CRB1: variants seen among roughly 807,000 people sequenced by gnomAD.
CRB1 encodes the protein crumbs cell polarity complex component 1, also known as protein crumbs homolog 1.
A neutral mutation model predicts 120.0 loss-of-function variants in CRB1; 83 were observed. That is an observed-to-expected ratio of 0.69 (90% CI 0.58 to 0.83). The LOEUF is 0.83. Among genes scored for constraint, CRB1 ranks in the 40% least tolerant of loss-of-function variants. The probability of loss-of-function intolerance (pLI) is 0.00; values close to 1 mark genes in which losing one functional copy is unlikely to be tolerated. For missense variants in CRB1, 1,699 were observed against 1,687.6 expected, an observed-to-expected ratio of 1.01 and a Z score of -0.12; for synonymous variants, 625 against 612.5, an observed-to-expected ratio of 1.02 and a Z score of -0.30.
chr1:197,290,313 G>T (rs1394101207), intron 1 of CRB1, among the ~76,000 whole-genome samples: 1 of 132,416 alleles, frequency 7.6e-6, no homozygotes, highest in Non-Finnish European at 1.6e-5. Flanking sequence ...TGTTTGAAGA[G>T]AAGTGGATCT....
chr1:197,321,798 G>C (rs190298474), intron 1 of CRB1, among the ~76,000 whole-genome samples: 1 of 152,146 alleles, frequency 6.6e-6, no homozygotes, highest in African/African-American at 2.4e-5. Context: ...AGCTCAAGGG[G>C]TATGTAAAAA....
chr1:197,308,005 A>G (rs936453739), intron 1 of CRB1, among the ~76,000 whole-genome samples: 4 of 152,182 alleles, frequency 2.6e-5, no homozygotes, highest in Admixed American at 1.3e-4. Context: ...TCATTGCTTC[A>G]CTATTCACAA....
At chr1:197,321,941 A>G (rs1403214967) in intron 1 of CRB1, among the ~76,000 whole-genome samples, 1 of 152,212 alleles carries the variant, frequency 6.6e-6, no homozygotes, top group Non-Finnish European at 1.5e-5. Flanking sequence ...AATGTCATAA[A>G]GAAGATAATT....
the CRB1 span, among the ~76,000 whole-genome samples, chr1:197,247,383 A>G: frequency 6.6e-6 from 1 of 152,118 alleles, no homozygotes; most frequent in Non-Finnish European, 1.5e-5. Context: ...GTTGACCATA[A>G]GAGTCATAAA....
chr1:197,276,017 C>G (rs1213456699), intron 1 of CRB1, among the ~76,000 whole-genome samples: 1 of 151,816 alleles, frequency 6.6e-6, no homozygotes, highest in Non-Finnish European at 1.5e-5. Flanking sequence ...TATCAGTCAT[C>G]TAGTGTCCTT....
At chr1:197,229,533 G>A in the CRB1 span, among the ~76,000 whole-genome samples, 2 of 152,128 alleles carry the variant, frequency 1.3e-5, no homozygotes, top group Admixed American at 6.5e-5. Context: ...CTGAGGTTTG[G>A]GGTATGAGTG....
At chr1:197,465,335 T>C (rs1481396929) in intron 11 of CRB1, among the ~76,000 whole-genome samples, 1 of 152,222 alleles carries the variant, frequency 6.6e-6, no homozygotes. Context: ...GTTGTGCTTT[T>C]GCGTATTTAG....
the CRB1 span, among the ~76,000 whole-genome samples, chr1:197,217,701 G>A: frequency 6.6e-6 from 1 of 152,084 alleles, no homozygotes; most frequent in African/African-American, 2.4e-5. Context: ...TTGGGTATGG[G>A]TTTTTTGGAG....
the CRB1 span, among the ~76,000 whole-genome samples, chr1:197,212,967 A>G: frequency 3.3e-5 from 5 of 152,210 alleles, no homozygotes; most frequent in African/African-American, 1.2e-4. Context: ...AGTTTCATAT[A>G]AACTTCTCAA....
intron 1 of CRB1, among the ~76,000 whole-genome samples, chr1:197,302,528 T>A (rs540200414): frequency 6.6e-6 from 1 of 152,092 alleles, no homozygotes; most frequent in African/African-American, 2.4e-5. Context: ...TATAAAGACC[T>A]AAAAAAGGCT....
At chr1:197,340,573 G>A (rs1231350047) in intron 2 of CRB1, among the ~76,000 whole-genome samples, 1 of 151,898 alleles carries the variant, frequency 6.6e-6, no homozygotes, top group South Asian at 2.1e-4. Context: ...CATGATGAGG[G>A]TTGAATTAAG....
intron 5 of CRB1, among the ~76,000 whole-genome samples, chr1:197,386,654 G>T (rs75665093): frequency 6.6e-6 from 1 of 152,032 alleles, no homozygotes; most frequent in Admixed American, 6.6e-5. Flanking sequence ...AGTCTATATC[G>T]TCTTAATATA....
At chr1:197,239,350 T>C in the CRB1 span, among the ~76,000 whole-genome samples, 3 of 152,140 alleles carry the variant, frequency 2.0e-5, no homozygotes, top group Admixed American at 6.5e-5. Context: ...CACACTTGTC[T>C]ATTTGTCTTT....
intron 1 of CRB1, among the ~76,000 whole-genome samples, chr1:197,285,382 G>C (rs1655767331): frequency 1.3e-5 from 2 of 151,820 alleles, no homozygotes; most frequent in African/African-American, 2.4e-5. Context: ...TTGCCCTTTA[G>C]AGAAAAATAG....
chr1:197,418,927 C>T (rs527415574), intron 5 of CRB1, among the ~76,000 whole-genome samples: 1 of 152,246 alleles, frequency 6.6e-6, no homozygotes, highest in Admixed American at 6.5e-5. Flanking sequence ...TACACATGCC[C>T]ACACTTTCTA....
At chr1:197,400,083 T>A (rs1193473141) in intron 5 of CRB1, among the ~76,000 whole-genome samples, 1 of 151,716 alleles carries the variant, frequency 6.6e-6, no homozygotes, top group Non-Finnish European at 1.5e-5. Context: ...TATAGAACTC[T>A]GCCTACTACA....
rs1167318922 is a variant in CRB1, at chr1:197,435,489, T to C, written c.3626T>C (p.Val1209Ala). 7 of 1,607,112 alleles carry C rather than the reference T, an allele frequency of 4.4e-6. No individual in the cohort carries two copies. Among genetic ancestry groups the C allele is most frequent in the Non-Finnish European group, 5.9e-6 (7 of 1,176,662 alleles). ...ACATGTGAGCCTGGATACACTGGTG[T>C]GAACTGTGAAGTGGATATAGACAAC... Reference protein sequence around the residue: ...HCTCEPGYTGVNCEVDIDNCQ... With the variant: ...HCTCEPGYTGANCEVDIDNCQ... The change falls in exon 9 of 12, where the codon GTG becomes GCG. Residue 1209 changes from valine to alanine, a missense_variant. Transcript: ENST00000367400.
At chr1:197,334,021 T>C (rs1339680177) in intron 2 of CRB1, among the ~76,000 whole-genome samples, 1 of 152,244 alleles carries the variant, frequency 6.6e-6, no homozygotes, top group Admixed American at 6.5e-5. Flanking sequence ...GCTTACAATG[T>C]AGATCAATGG....
At chr1:197,216,615 T>C in the CRB1 span, among the ~76,000 whole-genome samples, 2 of 152,310 alleles carry the variant, frequency 1.3e-5, no homozygotes, top group South Asian at 4.1e-4. Context: ...AAATTAATTA[T>C]GATTCAAAAG....
Sources: allele counts gnomAD v4.1 joint callset (sites outside exome capture counted in the v4.1 genomes callset), GRCh38; gene constraint gnomAD v4.1.1; transcripts MANE v1.5; gene names NCBI Gene and HGNC (gene_info 2026-07-23, HGNC 2026-07-21).